KLF8: variants seen among roughly 807,000 people sequenced by gnomAD.
KLF8 encodes the protein Krueppel-like factor 8.
KLF8 carries 10 observed loss-of-function variants against 18.2 expected under a neutral mutation model. The ratio of observed to expected loss-of-function variants is 0.55; its 90% CI spans 0.34 to 0.93. The LOEUF is 0.93. Ranked by LOEUF, KLF8 falls within the 40% of genes least tolerant of loss-of-function variation. KLF8 has a pLI of 0.02. For synonymous variants in KLF8, 109 were observed against 97.3 expected (o/e 1.12, Z -0.71); for missense variants, 264 against 277.9 (o/e 0.95, Z 0.36).
upstream of KLF8, among the ~76,000 whole-genome samples, chrX:56,229,521 C>T (rs1419281257): frequency 8.9e-6 from 1 of 111,968 alleles, no homozygotes; most frequent in Non-Finnish European, 1.9e-5. Flanking sequence ...TCTAGTTCCC[C>T]ATACCTGCTC....
the KLF8 span, among the ~76,000 whole-genome samples, chrX:55,933,223 A>C: frequency 4.5e-5 from 5 of 111,794 alleles, no homozygotes; most frequent in Admixed American, 4.8e-4. Flanking sequence ...GAAGAGGTTT[A>C]ATTTTATCTT....
chrX:56,099,995 C>A, the KLF8 span, among the ~76,000 whole-genome samples: 3 of 111,490 alleles, frequency 2.7e-5, no homozygotes, highest in African/African-American at 6.5e-5. Flanking sequence ...ACAAAAGGAG[C>A]CTTATATTTT....
the KLF8 span, among the ~76,000 whole-genome samples, chrX:56,002,630 G>A: frequency 4.5e-5 from 5 of 112,086 alleles, no homozygotes; most frequent in Non-Finnish European, 9.4e-5. Flanking sequence ...CTACAGAATA[G>A]TCACTCAATG....
chrX:56,097,560 C>T, the KLF8 span, among the ~76,000 whole-genome samples: 23 of 105,473 alleles, frequency 2.2e-4, no homozygotes, highest in Admixed American at 8.3e-4. Context: ...GGTACATGTG[C>T]GCAATGTGCA....
At chrX:55,972,367 G>T in the KLF8 span, among the ~76,000 whole-genome samples, 7 of 110,950 alleles carry the variant, frequency 6.3e-5, no homozygotes, top group African/African-American at 2.3e-4. Context: ...GAGAGTGGAA[G>T]TATGGTTACA....
chrX:56,182,351 T>C, the KLF8 span, among the ~76,000 whole-genome samples: 222 of 112,354 alleles, frequency 2.0e-3, 1 homozygote, highest in Admixed American at 5.0e-3. Context: ...TTATTCTAGT[T>C]AACCATTTGT....
the KLF8 span, among the ~76,000 whole-genome samples, chrX:55,952,114 C>T: frequency 8.9e-6 from 1 of 112,065 alleles, no homozygotes; most frequent in East Asian, 2.8e-4. Flanking sequence ...GCAATTTTTA[C>T]TGCCTTTATT....
the KLF8 span, among the ~76,000 whole-genome samples, chrX:55,979,373 C>T: frequency 1.8e-5 from 2 of 111,391 alleles, no homozygotes; most frequent in African/African-American, 6.5e-5. Flanking sequence ...GTTCTCAGAA[C>T]GAGAAAAGTA....
the KLF8 span, among the ~76,000 whole-genome samples, chrX:55,959,868 G>A: frequency 2.0e-5 from 2 of 101,760 alleles, no homozygotes; most frequent in South Asian, 7.9e-4. Context: ...AGATTGAAAT[G>A]CAAATTTAGG....
At chrX:56,202,516 G>C in the KLF8 span, among the ~76,000 whole-genome samples, 1 of 108,163 alleles carries the variant, frequency 9.2e-6, no homozygotes, top group East Asian at 2.9e-4. Flanking sequence ...CAAATAGTAG[G>C]TCTTATTTCT....
chrX:56,073,662 T>A, the KLF8 span, among the ~76,000 whole-genome samples: 1 of 112,065 alleles, frequency 8.9e-6, no homozygotes, highest in Non-Finnish European at 1.9e-5. Flanking sequence ...TTATTTTCCA[T>A]GTTTTTTGAT....
At chrX:55,932,147 T>G in the KLF8 span, among the ~76,000 whole-genome samples, 6 of 111,050 alleles carry the variant, frequency 5.4e-5, no homozygotes, top group African/African-American at 2.0e-4. Context: ...TTTTTGATCT[T>G]TGTTGGTTTA....
Position 56,260,815 on chromosome X carries a change from T to C in KLF8, c.82-4365T>C, listed in dbSNP as rs191960453. ...ACCCAGAGCAAAGCTGGAAGGTACC[T>C]GTTTACAAAAACAGGTTTCCTCTTT... On this transcript the variant is annotated intron_variant, in intron 2 of 5. Coordinates refer to ENST00000468660, the MANE Select transcript of KLF8 (RefSeq NM_007250.5). Among the ~76,000 whole-genome samples, 139 of 112,391 alleles carry C rather than the reference T, an allele frequency of 1.2e-3. 1 individual carries two copies. The highest frequency in any genetic ancestry group is 4.2e-3 in the African/African-American group (130 of 31,010).
At chrX:56,074,080 G>A in the KLF8 span, among the ~76,000 whole-genome samples, 1 of 111,010 alleles carries the variant, frequency 9.0e-6, no homozygotes, top group Non-Finnish European at 1.9e-5. Flanking sequence ...GAACTTTTTG[G>A]CCATTTTTAT....
the KLF8 span, among the ~76,000 whole-genome samples, chrX:55,941,055 C>T: frequency 7.2e-5 from 8 of 111,637 alleles, no homozygotes; most frequent in East Asian, 2.3e-3. Flanking sequence ...AAAAAAGAGC[C>T]CACATTGCCA....
chrX:56,176,991 G>C, the KLF8 span, among the ~76,000 whole-genome samples: 804 of 111,181 alleles, frequency 7.2e-3, 4 homozygotes, highest in Non-Finnish European at 0.011. Context: ...GGTTATTCTA[G>C]GTAGCCATTC....
chrX:56,013,317 G>T, the KLF8 span, among the ~76,000 whole-genome samples: 2 of 112,487 alleles, frequency 1.8e-5, no homozygotes, highest in Non-Finnish European at 3.8e-5. Context: ...TAGCCCCATT[G>T]TATCTAGAAA....
At chrX:56,114,143 G>A in the KLF8 span, among the ~76,000 whole-genome samples, 6 of 112,272 alleles carry the variant, frequency 5.3e-5, no homozygotes. Context: ...GTCTGTCCAT[G>A]ATTGGTCACA....
the KLF8 span, among the ~76,000 whole-genome samples, chrX:55,996,665 T>G: frequency 8.9e-6 from 1 of 111,920 alleles, no homozygotes; most frequent in Non-Finnish European, 1.9e-5. Context: ...CTGCATACTC[T>G]AATTCTGGGG....
Sources: gnomAD v4.1 joint callset for allele counts (sites outside exome capture counted in the v4.1 genomes callset) on GRCh38, gnomAD v4.1.1 for gene constraint, MANE v1.5 for transcripts, NCBI Gene and HGNC (gene_info 2026-07-23, HGNC 2026-07-21) for gene names.